The following DDX10 variants were observed in gnomAD, a reference collection of about 807,000 sequenced individuals.
DDX10 encodes the protein probable ATP-dependent RNA helicase DDX10.
DDX10 carries 74 observed loss-of-function variants against 104.3 expected under a neutral mutation model. The observed-to-expected ratio is 0.71, with a 90% CI of 0.59 to 0.86. DDX10 has a LOEUF of 0.86. DDX10 is among the 40% of genes least tolerant of loss of function. DDX10 has a pLI of 0.00. For synonymous variants in DDX10, 351 were observed against 353.4 expected (o/e 0.99, Z 0.08); for missense variants, 952 against 1,040.0 (o/e 0.92, Z 1.16).
intron 9 of DDX10, among the ~76,000 whole-genome samples, chr11:108,701,776 T>C (rs1213167568): frequency 1.5e-5 from 2 of 137,814 alleles, no homozygotes; most frequent in Non-Finnish European, 3.1e-5. Flanking sequence ...AACCTCTGCC[T>C]CCCGGGTTCA....
intron 16 of DDX10, among the ~76,000 whole-genome samples, chr11:108,874,384 G>A (rs1265127962): frequency 6.6e-6 from 1 of 152,144 alleles, no homozygotes; most frequent in Admixed American, 6.5e-5. Context: ...GGAAGCTTGG[G>A]TGAAACAGAT....
chr11:108,745,689 C>G (rs1239847889), intron 13 of DDX10, among the ~76,000 whole-genome samples: 1 of 152,156 alleles, frequency 6.6e-6, no homozygotes, highest in Non-Finnish European at 1.5e-5. Context: ...AGTGAGTCTT[C>G]CTTTCTATAA....
intron 13 of DDX10, among the ~76,000 whole-genome samples, chr11:108,829,315 C>T (rs1035969896): frequency 6.6e-6 from 1 of 152,098 alleles, no homozygotes. Context: ...GGTGGTATTG[C>T]ATTGTGGTTT....
At chr11:108,879,299 C>A (rs530267092) in intron 16 of DDX10, among the ~76,000 whole-genome samples, 5 of 151,968 alleles carry the variant, frequency 3.3e-5, no homozygotes, top group Non-Finnish European at 7.4e-5. Context: ...CACATCCGGC[C>A]GAAATTTTCT....
intron 13 of DDX10, among the ~76,000 whole-genome samples, chr11:108,828,733 C>T (rs1862430881): frequency 6.6e-6 from 1 of 152,218 alleles, no homozygotes; most frequent in African/African-American, 2.4e-5. Context: ...AAGCAATTCT[C>T]TTGTCTCAGC....
At chr11:108,676,959 G>T (rs894261923) in intron 3 of DDX10, 126 bp from the exon 4 acceptor site, 25 of 767,810 alleles carry the variant, frequency 3.3e-5, no homozygotes, top group Admixed American at 5.3e-5. Context: ...CTTTGGACTG[G>T]ATAAAACTTG....
At chr11:108,856,492 A>AT (rs981240088) in intron 16 of DDX10, among the ~76,000 whole-genome samples, 1 of 151,928 alleles carries the variant, frequency 6.6e-6, no homozygotes, top group Non-Finnish European at 1.5e-5. Flanking sequence ...ACAAAACAAA[A>AT]AAAAAACCTT....
intron 13 of DDX10, among the ~76,000 whole-genome samples, chr11:108,748,836 A>G (rs1364810980): frequency 6.6e-6 from 1 of 152,088 alleles, no homozygotes; most frequent in East Asian, 1.9e-4. Flanking sequence ...ACACACTATC[A>G]TGCCTGCCTA....
intron 16 of DDX10, among the ~76,000 whole-genome samples, chr11:108,893,505 C>G (rs1863402326): frequency 1.3e-5 from 2 of 151,198 alleles, no homozygotes; most frequent in African/African-American, 4.9e-5. Flanking sequence ...AAATGTTAAC[C>G]CATAAATAAT....
Position 108,825,424 on chromosome 11 carries a change from C to T in DDX10, c.1966-13022C>T, listed in dbSNP as rs4753851. Among the ~76,000 whole-genome samples, 535 of 152,226 alleles carry T rather than the reference C, an allele frequency of 3.5e-3. 1 individual carries two copies. The highest frequency in any genetic ancestry group is 0.014 in the Middle Eastern group (4 of 294). On this transcript the variant is annotated intron_variant, in intron 13 of 17. Coordinates refer to ENST00000322536, the MANE Select transcript of DDX10 (RefSeq NM_004398.4). ...TTCCAAGTTAAACCTGAAGGAGGCA[C>T]CAGAAATCCTGAAGGAGGAATGTAG...
rs549347733 is a variant in DDX10, at chr11:108,687,235, A to C, written c.849-1701A>C. Among the ~76,000 whole-genome samples the C allele has an allele frequency of 1.9e-4, 29 of 152,318 alleles. No homozygotes were observed. In the East Asian group the frequency reaches 5.6e-3, roughly 29 times the overall value. ...CACTGTTCTGGATTTTGGCCATCTA[A>C]TAAGTGTGAAGTGACATATCGTTAT... On this transcript the variant is annotated intron_variant, in intron 6 of 17. Transcript: ENST00000322536.
chr11:108,692,714 T>C (rs759265415), intron 8 of DDX10, among the ~76,000 whole-genome samples: 13 of 152,162 alleles, frequency 8.5e-5, no homozygotes, highest in Non-Finnish European at 1.8e-4. Flanking sequence ...ATCCTCCCCC[T>C]GTCCCTCTTG....
intron 13 of DDX10, among the ~76,000 whole-genome samples, chr11:108,745,300 T>A (rs2094330517): frequency 6.7e-6 from 1 of 149,838 alleles, no homozygotes; most frequent in African/African-American, 2.5e-5. Flanking sequence ...TCACCCAGGC[T>A]GGAGTGCAGT....
At chr11:108,892,007 C>CA (rs1863382809) in intron 16 of DDX10, among the ~76,000 whole-genome samples, 1 of 152,138 alleles carries the variant, frequency 6.6e-6, no homozygotes. Flanking sequence ...GGAAAGCCTG[C>CA]ACATGGATCT....
chr11:108,678,141 A>G (rs1336796330), intron 4 of DDX10, among the ~76,000 whole-genome samples, 174 bp from the exon 5 acceptor site: 1 of 152,182 alleles, frequency 6.6e-6, no homozygotes, highest in Non-Finnish European at 1.5e-5. Flanking sequence ...AAAGACTTTT[A>G]TTTAGCCCAG....
intron 7 of DDX10, among the ~76,000 whole-genome samples, chr11:108,689,745 C>T (rs1220695970): frequency 5.9e-5 from 9 of 152,302 alleles, no homozygotes; most frequent in Non-Finnish European, 1.3e-4. Flanking sequence ...GCCTCTTCTC[C>T]TGTACTATAT....
intron 2 of DDX10, 87 bp from the exon 3 acceptor site, chr11:108,675,509 G>C: frequency 6.8e-7 from 1 of 1,461,828 alleles, no homozygotes; most frequent in Non-Finnish European, 9.3e-7. Flanking sequence ...CTTCAACATA[G>C]GAATTTTGGG....
intron 13 of DDX10, among the ~76,000 whole-genome samples, chr11:108,759,603 C>G (rs2094348313): frequency 6.6e-6 from 1 of 151,882 alleles, no homozygotes; most frequent in South Asian, 2.1e-4. Flanking sequence ...TTTTTATAGC[C>G]AACAACTCTT....
chr11:108,902,368 A>G (rs1296736096), intron 16 of DDX10, among the ~76,000 whole-genome samples: 1 of 152,138 alleles, frequency 6.6e-6, no homozygotes, highest in Non-Finnish European at 1.5e-5. Context: ...GAGCTAACAT[A>G]CCTTTGGATT....
Sources: allele counts gnomAD v4.1 joint callset (sites outside exome capture counted in the v4.1 genomes callset), GRCh38; gene constraint gnomAD v4.1.1; transcripts MANE v1.5; gene names NCBI Gene and HGNC (gene_info 2026-07-23, HGNC 2026-07-21).